EYS: variants seen among roughly 807,000 people sequenced by gnomAD.
EYS encodes EGF-like photoreceptor maintenance factor, also known as protein eyes shut homolog.
In EYS, 250 loss-of-function variants were observed where a neutral mutation model predicts 282.1. The ratio of observed to expected loss-of-function variants is 0.89; its 90% confidence interval spans 0.80 to 0.98. The LOEUF (loss-of-function observed/expected upper bound fraction) is 0.98, where lower values mean the gene tolerates loss of function less well. Among genes scored for constraint, EYS ranks in the 50% least tolerant of loss-of-function variants. The probability of loss-of-function intolerance (pLI) is 0.00; values close to 1 mark genes in which losing one functional copy is unlikely to be tolerated. For missense variants in EYS, 4,016 were observed against 3,709.0 expected (o/e 1.08, Z -2.15); for synonymous variants, 1,355 against 1,282.9 (o/e 1.06, Z -1.20).
intron 33 of EYS, among the ~76,000 whole-genome samples, chr6:64,041,448 A>T (rs1562169792): frequency 6.6e-6 from 1 of 152,220 alleles, no homozygotes; most frequent in Non-Finnish European, 1.5e-5. Flanking sequence ...ACACTGAGCC[A>T]AAAGATAAGT....
intron 26 of EYS, among the ~76,000 whole-genome samples, chr6:64,546,195 C>A (rs1254152068): frequency 6.6e-6 from 1 of 152,074 alleles, no homozygotes; most frequent in Non-Finnish European, 1.5e-5. Flanking sequence ...TGGAACAGAA[C>A]AGAGCCCTCA....
chr6:64,490,982 T>G (rs748603363), intron 26 of EYS, among the ~76,000 whole-genome samples: 9 of 150,754 alleles, frequency 6.0e-5, no homozygotes, highest in Non-Finnish European at 8.9e-5. Flanking sequence ...AATTTTAAGT[T>G]TTAAAAATTG....
intron 2 of EYS, among the ~76,000 whole-genome samples, chr6:65,593,698 C>T (rs990263366): frequency 7.2e-5 from 11 of 151,806 alleles, no homozygotes; most frequent in Non-Finnish European, 1.3e-4. Context: ...GTATTTCCCA[C>T]GATATTATTT....
At chr6:65,016,579 T>A (rs1420548480) in intron 13 of EYS, among the ~76,000 whole-genome samples, 3 of 152,174 alleles carry the variant, frequency 2.0e-5, no homozygotes, top group Admixed American at 6.5e-5. Context: ...GCAAGAGGCA[T>A]CATGTAGGAT....
At chr6:65,088,448 G>T (rs1239011550) in intron 12 of EYS, among the ~76,000 whole-genome samples, 1 of 152,180 alleles carries the variant, frequency 6.6e-6, no homozygotes, top group Non-Finnish European at 1.5e-5. Flanking sequence ...ATAGATCAAA[G>T]GTCACTCATG....
chr6:64,824,955 A>C (rs569848756), intron 19 of EYS, among the ~76,000 whole-genome samples: 117 of 152,062 alleles, frequency 7.7e-4, no homozygotes, highest in Non-Finnish European at 1.5e-3. Context: ...TTTGGTCTCT[A>C]TAAACCATTC....
At chr6:65,440,054 T>C (rs965897393) in intron 5 of EYS, among the ~76,000 whole-genome samples, 3 of 152,010 alleles carry the variant, frequency 2.0e-5, no homozygotes, top group Non-Finnish European at 4.4e-5. Context: ...TTTTAGTGCA[T>C]AGAGTTTTCA....
intron 30 of EYS, among the ~76,000 whole-genome samples, chr6:64,253,382 T>C (rs1418740046): frequency 6.6e-6 from 1 of 152,160 alleles, no homozygotes; most frequent in Non-Finnish European, 1.5e-5. Context: ...GATTTAAATG[T>C]AAGTGTTTGA....
At chr6:64,565,688 C>A (rs748653519) in intron 26 of EYS, among the ~76,000 whole-genome samples, 3 of 151,512 alleles carry the variant, frequency 2.0e-5, no homozygotes, top group Non-Finnish European at 4.4e-5. Flanking sequence ...AGATCTAATA[C>A]GTGGCATGAT....
intron 12 of EYS, among the ~76,000 whole-genome samples, chr6:65,267,633 C>T (rs938119385): frequency 1.3e-5 from 2 of 151,896 alleles, no homozygotes; most frequent in Admixed American, 6.6e-5. Context: ...TTAGGGGATA[C>T]GTGTACAGAT....
intron 26 of EYS, among the ~76,000 whole-genome samples, chr6:64,450,814 A>G (rs902610738): frequency 6.6e-6 from 1 of 152,226 alleles, no homozygotes. Context: ...AGCAACGAGA[A>G]CAAAGACACA....
At chr6:63,850,901 C>A (rs899822379) in intron 36 of EYS, among the ~76,000 whole-genome samples, 1 of 152,094 alleles carries the variant, frequency 6.6e-6, no homozygotes, top group Non-Finnish European at 1.5e-5. Context: ...AGAGTCAAGA[C>A]CCCTTGGTGT....
intron 19 of EYS, among the ~76,000 whole-genome samples, chr6:64,857,438 TA>T (rs1766100434): frequency 6.6e-6 from 1 of 152,164 alleles, no homozygotes; most frequent in Non-Finnish European, 1.5e-5. Context: ...ATTCTCTTTT[TA>T]AAAAAAGGTT....
At chr6:64,002,614 AG>A (rs756395099) in intron 33 of EYS, among the ~76,000 whole-genome samples, 5 of 152,170 alleles carry the variant, frequency 3.3e-5, no homozygotes, top group Non-Finnish European at 7.4e-5. Context: ...TTTGAGCTGC[AG>A]GGTGACCAAA....
In EYS at chr6:64,395,729, C is replaced by T. The variant is rs1466665472; in HGVS notation, c.5928-6889G>A. On this transcript the variant is annotated intron_variant, in intron 28 of 42. Transcript: ENST00000503581. ...AGCGCACCAGCATGGCACATGTATA[C>T]ATATGTAACTAACCTGCACAATGTG... 7.3e-5 allele frequency among the ~76,000 whole-genome samples: 11 copies of T among 149,762 alleles called. No individual in the cohort carries two copies. In the South Asian group the frequency reaches 1.7e-3, roughly 23 times the overall value.
intron 12 of EYS, among the ~76,000 whole-genome samples, chr6:65,120,050 G>A (rs1395204097): frequency 2.6e-5 from 4 of 151,060 alleles, no homozygotes; most frequent in Non-Finnish European, 5.9e-5. Context: ...TACTCAGGAG[G>A]CTGAGGCAGG....
intron 31 of EYS, among the ~76,000 whole-genome samples, chr6:64,085,792 AC>A (rs1377579498): frequency 2.6e-5 from 4 of 152,172 alleles, no homozygotes; most frequent in African/African-American, 9.7e-5. Context: ...CACAAAAGTT[AC>A]CGTTTGTTGG....
At chr6:65,505,637 A>C (rs1359243336) in intron 2 of EYS, among the ~76,000 whole-genome samples, 1 of 152,120 alleles carries the variant, frequency 6.6e-6, no homozygotes, top group Non-Finnish European at 1.5e-5. Flanking sequence ...GTTTCTCTTC[A>C]GACTTCTTTG....
chr6:65,290,595 T>C (rs1768497344), intron 12 of EYS, among the ~76,000 whole-genome samples: 1 of 151,310 alleles, frequency 6.6e-6, no homozygotes, highest in African/African-American at 2.4e-5. Flanking sequence ...TTATCTCACT[T>C]TATTTAAAAC....
Sources: allele counts gnomAD v4.1 joint callset (sites outside exome capture counted in the v4.1 genomes callset), GRCh38; gene constraint gnomAD v4.1.1; transcripts MANE v1.5; gene names NCBI Gene and HGNC (gene_info 2026-07-23, HGNC 2026-07-21).